The following NUDCD3 variants were observed in gnomAD, a reference collection of about 807,000 sequenced individuals.
NUDCD3 encodes the protein NudC domain containing 3.
NUDCD3 carries 13 observed loss-of-function variants against 39.7 expected under a neutral mutation model. That is an observed-to-expected ratio of 0.33 (90% CI 0.21 to 0.52). NUDCD3 has a LOEUF of 0.52. NUDCD3 is among the 20% of genes least tolerant of loss of function. The pLI, the probability that NUDCD3 is intolerant of heterozygous loss-of-function variation, is 0.96. For missense variants in NUDCD3, 453 were observed against 458.1 expected (o/e 0.99, Z 0.10); for synonymous variants, 175 against 172.4 (o/e 1.02, Z -0.12).
chr7:44,428,218 C>G (rs934587696), intron 2 of NUDCD3, among the ~76,000 whole-genome samples: 2 of 151,180 alleles, frequency 1.3e-5, no homozygotes, highest in Non-Finnish European at 2.9e-5. Flanking sequence ...GGTGAATCAC[C>G]TGAGGTATGG....
chr7:44,468,002 C>A (rs776726758), intron 2 of NUDCD3: 4 of 1,612,450 alleles, frequency 2.5e-6, no homozygotes, highest in Non-Finnish European at 3.4e-6. Context: ...GCGTAACTGG[C>A]GGAAACCCAG....
chr7:44,489,806 A>G (rs1442374379), intron 1 of NUDCD3: 1 of 152,260 alleles, frequency 6.6e-6, no homozygotes, highest in Non-Finnish European at 1.5e-5. Flanking sequence ...AACTACATTC[A>G]GCAAAAGGTT....
chr7:44,392,709 G>A (rs1213612625), intron 4 of NUDCD3, among the ~76,000 whole-genome samples: 1 of 152,130 alleles, frequency 6.6e-6, no homozygotes, highest in East Asian at 1.9e-4. Flanking sequence ...GAAGAGCTAG[G>A]AGGCACATAC....
chr7:44,389,087 C>T (rs1249634673), intron 5 of NUDCD3, among the ~76,000 whole-genome samples: 1 of 152,260 alleles, frequency 6.6e-6, no homozygotes. Flanking sequence ...GCCAAGAGGA[C>T]ACCAACAGGA....
At chr7:44,490,145 G>A (rs982837329) in intron 1 of NUDCD3, 7 of 397,752 alleles carry the variant, frequency 1.8e-5, no homozygotes, top group Non-Finnish European at 3.2e-5. Context: ...GCACCGTGAG[G>A]GGTACGCGCT....
chr7:44,472,046 C>T lies in NUDCD3; in HGVS notation c.509+12922G>A, dbSNP rs138781885. 7.9e-5 allele frequency: 12 copies of T among 152,320 alleles called. No individual in the cohort carries two copies. The South Asian group carries it at 2.5e-3, about 32-fold the overall frequency. The allele number at this position is 152,320 out of a possible 1,614,324, so 9.4% of individuals were successfully genotyped here. ...TGCCTAATTAGTAATGCCACCTCAA[C>T]CACTGGTCAGCTTCTCAGATTGATG... On this transcript the variant is annotated intron_variant, in intron 2 of 5. Coordinates refer to ENST00000355451, the MANE Select transcript of NUDCD3 (RefSeq NM_015332.4).
At chr7:44,423,924 T>C (rs1799188765) in intron 3 of NUDCD3, among the ~76,000 whole-genome samples, 1 of 152,114 alleles carries the variant, frequency 6.6e-6, no homozygotes, top group South Asian at 2.1e-4. Flanking sequence ...CAAAACGGCA[T>C]AGTACCGGTA....
chr7:44,411,326 A>G (rs1455047394), intron 3 of NUDCD3, among the ~76,000 whole-genome samples: 1 of 152,224 alleles, frequency 6.6e-6, no homozygotes. Flanking sequence ...GAGTAGTATC[A>G]AGAAAGTGAA....
chr7:44,426,257 C>G (rs1799232921), intron 3 of NUDCD3: 2 of 680,420 alleles, frequency 2.9e-6, no homozygotes, highest in Admixed American at 6.3e-5. Context: ...GACACCTGTT[C>G]CCTGAGGAGG....
At chr7:44,476,898 G>A (rs1311231907) in intron 2 of NUDCD3, among the ~76,000 whole-genome samples, 1 of 152,174 alleles carries the variant, frequency 6.6e-6, no homozygotes, top group East Asian at 1.9e-4. Flanking sequence ...AGACTTTGCT[G>A]ATGAGAAAAG....
intron 2 of NUDCD3, among the ~76,000 whole-genome samples, chr7:44,428,571 C>A (rs1799286994): frequency 6.6e-6 from 1 of 152,108 alleles, no homozygotes; most frequent in Non-Finnish European, 1.5e-5. Flanking sequence ...TTGTATGCAT[C>A]ATTGTTAAGA....
intron 2 of NUDCD3, among the ~76,000 whole-genome samples, chr7:44,460,735 G>A (rs1402451286): frequency 6.6e-6 from 1 of 152,122 alleles, no homozygotes; most frequent in East Asian, 1.9e-4. Context: ...AGGATAGGAT[G>A]CTTTAATTTG....
At chr7:44,457,185 T>G (rs1433225666) in intron 2 of NUDCD3, among the ~76,000 whole-genome samples, 1 of 152,146 alleles carries the variant, frequency 6.6e-6, no homozygotes, top group East Asian at 1.9e-4. Context: ...AATCATGAGA[T>G]TTAACAAAAA....
chr7:44,421,750 T>C (rs886512409), intron 3 of NUDCD3, among the ~76,000 whole-genome samples: 1 of 152,126 alleles, frequency 6.6e-6, no homozygotes, highest in Non-Finnish European at 1.5e-5. Flanking sequence ...CTGTCAATAT[T>C]AGATCAACGA....
intron 2 of NUDCD3, among the ~76,000 whole-genome samples, chr7:44,470,606 G>T (rs377766528): frequency 1.3e-5 from 2 of 152,290 alleles, no homozygotes; most frequent in South Asian, 4.1e-4. Flanking sequence ...CGTGGACCGG[G>T]CTCTGCATAG....
chr7:44,442,687 CCTTTT>C (rs1799610028), intron 2 of NUDCD3, among the ~76,000 whole-genome samples: 3 of 149,828 alleles, frequency 2.0e-5, no homozygotes, highest in Non-Finnish European at 4.4e-5. Context: ...CGGACTCTCC[CCTTTT>C]CTTTTTTTTT....
At position 44,385,996 on chromosome 7, in the gene NUDCD3, C is replaced by T. The variant is rs754090667; in HGVS notation, c.*15G>A. The T allele has an allele frequency of 2.2e-6, 3 of 1,355,242 alleles. No homozygotes were observed. Among genetic ancestry groups the T allele is most frequent in the East Asian group, 4.6e-5 (2 of 43,644 alleles). The allele number at this position is 1,355,242 out of a possible 1,614,324, so 84.0% of individuals were successfully genotyped here. On this transcript the variant is annotated 3_prime_UTR_variant, in exon 6 of 6. Coordinates refer to ENST00000355451, the MANE Select transcript of NUDCD3 (RefSeq NM_015332.4). The stretch of plus-strand genomic sequence containing the variant: ...CTGCCTCCCCACCGGCGAGGGTTTC[C>T]TTTCCTTCTGGTCATTAAAACTGCA...
At chr7:44,411,999 T>C (rs1301952411) in intron 3 of NUDCD3, among the ~76,000 whole-genome samples, 1 of 152,198 alleles carries the variant, frequency 6.6e-6, no homozygotes, top group Non-Finnish European at 1.5e-5. Context: ...AGAAAAGAGA[T>C]TGAGACCACC....
chr7:44,409,465 C>G (rs1798882656), intron 3 of NUDCD3, among the ~76,000 whole-genome samples: 1 of 151,908 alleles, frequency 6.6e-6, no homozygotes, highest in African/African-American at 2.4e-5. Flanking sequence ...TAAACAAGAA[C>G]AACTATATCA....
Sources: gnomAD v4.1 joint callset for allele counts (sites outside exome capture counted in the v4.1 genomes callset) on GRCh38, gnomAD v4.1.1 for gene constraint, MANE v1.5 for transcripts, NCBI Gene and HGNC (gene_info 2026-07-23, HGNC 2026-07-21) for gene names.